The following CNTNAP2 variants were observed in gnomAD, a reference collection of about 807,000 sequenced individuals.
CNTNAP2 encodes contactin-associated protein-like 2.
Under a neutral mutation model 155.2 loss-of-function variants are expected in CNTNAP2, and 98 were observed. The observed-to-expected ratio is 0.63, with a 90% CI of 0.54 to 0.75. The LOEUF is 0.75. Ranked by LOEUF, CNTNAP2 falls within the 30% of genes least tolerant of loss-of-function variation. CNTNAP2 has a pLI of 0.00. For missense variants in CNTNAP2, 1,727 were observed against 1,688.1 expected (o/e 1.02, Z -0.40); for synonymous variants, 651 against 631.2 (o/e 1.03, Z -0.47).
chr7:146,530,051 A>C (rs1016677127), intron 1 of CNTNAP2, among the ~76,000 whole-genome samples: 2 of 152,174 alleles, frequency 1.3e-5, no homozygotes. Flanking sequence ...TGTAAAACAA[A>C]AGGAAACTTT....
intron 1 of CNTNAP2, among the ~76,000 whole-genome samples, chr7:146,709,980 C>G (rs937081036): frequency 6.6e-6 from 1 of 152,046 alleles, no homozygotes; most frequent in Non-Finnish European, 1.5e-5. Context: ...TTTTCACAAT[C>G]GATTAGGAGC....
intron 1 of CNTNAP2, among the ~76,000 whole-genome samples, chr7:146,735,445 C>T (rs1193070668): frequency 2.6e-5 from 4 of 151,962 alleles, no homozygotes; most frequent in African/African-American, 7.3e-5. Context: ...GTCCCAGCTA[C>T]TTGGGAGGCT....
chr7:148,147,521 T>C lies in CNTNAP2; in HGVS notation c.2585T>C (p.Val862Ala). ...SATEVSFSFD[V>A]GNGPVEIVVR... ...ACAGAAGTGTCCTTTTCATTTGATG[T>C]GGGAAATGGGCCAGTAGAGATTGTA... The change falls in exon 17 of 24, where the codon GTG becomes GCG. Residue 862 changes from valine (V) to alanine (A), a missense_variant. Val to Ala is a moderately conservative substitution (Grantham distance 64). Coordinates refer to ENST00000361727, the MANE Select transcript of CNTNAP2 (RefSeq NM_014141.6). 1 of 1,614,080 alleles carries C rather than the reference T, an allele frequency of 6.2e-7. No individual in the cohort carries two copies. Among genetic ancestry groups the C allele is most frequent in the Non-Finnish European group, 8.5e-7 (1 of 1,180,016 alleles).
At chr7:148,307,480 G>A (rs1027791520) in intron 21 of CNTNAP2, among the ~76,000 whole-genome samples, 2 of 152,108 alleles carry the variant, frequency 1.3e-5, no homozygotes, top group African/African-American at 4.8e-5. Flanking sequence ...ACTTAAGATG[G>A]TTCTGCTGTT....
At chr7:148,190,636 T>G (rs2116716654) in intron 18 of CNTNAP2, 1 of 152,454 alleles carries the variant, frequency 6.6e-6, no homozygotes, top group Admixed American at 6.5e-5. Context: ...AGTCCCACAA[T>G]CGGCCGTCTG....
intron 10 of CNTNAP2, among the ~76,000 whole-genome samples, chr7:147,472,941 A>T (rs1055649261): frequency 6.6e-6 from 1 of 152,330 alleles, no homozygotes. Context: ...TCAAAGTCTC[A>T]ACTAGAGATA....
At chr7:148,233,231 C>A (rs1795992596) in intron 20 of CNTNAP2, among the ~76,000 whole-genome samples, 1 of 152,250 alleles carries the variant, frequency 6.6e-6, no homozygotes, top group Non-Finnish European at 1.5e-5. Context: ...CTAACCCTTT[C>A]TTCTTCCTTT....
intron 11 of CNTNAP2, among the ~76,000 whole-genome samples, chr7:147,535,576 T>C (rs1014335455): frequency 3.3e-5 from 5 of 152,162 alleles, no homozygotes; most frequent in African/African-American, 1.2e-4. Flanking sequence ...GGGTTCTTGC[T>C]TTTGGATGAA....
chr7:148,016,741 G>A (rs553227518), intron 15 of CNTNAP2, among the ~76,000 whole-genome samples: 1 of 152,204 alleles, frequency 6.6e-6, no homozygotes, highest in Non-Finnish European at 1.5e-5. Context: ...ATTTCTGGTT[G>A]TCAAGGAGGA....
At chr7:148,030,669 C>CT (rs34338936) in intron 15 of CNTNAP2, among the ~76,000 whole-genome samples, 9,477 of 129,394 alleles carry the variant, frequency 0.073, 396 homozygotes, top group Non-Finnish European at 0.098. Context: ...TTATCCAGCT[C>CT]TTTTTTTTTT....
intron 1 of CNTNAP2, among the ~76,000 whole-genome samples, chr7:146,495,414 T>TATCAG (rs1306588324): frequency 6.6e-6 from 1 of 152,196 alleles, no homozygotes; most frequent in African/African-American, 2.4e-5. Flanking sequence ...TGTTTGTGTC[T>TATCAG]AGCCCTTGCC....
chr7:147,489,468 G>T (rs1424964832), intron 11 of CNTNAP2, among the ~76,000 whole-genome samples: 1 of 152,122 alleles, frequency 6.6e-6, no homozygotes, highest in Non-Finnish European at 1.5e-5. Context: ...TCTCATACAG[G>T]CATTCCACTC....
intron 1 of CNTNAP2, among the ~76,000 whole-genome samples, chr7:146,167,011 C>A (rs1290604603): frequency 6.6e-6 from 1 of 152,162 alleles, no homozygotes; most frequent in African/African-American, 2.4e-5. Context: ...AGGAATCAGG[C>A]ACTTTGGAGA....
chr7:147,801,327 AT>A lies in CNTNAP2; in HGVS notation c.2099-102223del, dbSNP rs1313563381. Among the ~76,000 whole-genome samples the A allele has an allele frequency of 3.1e-3, 389 of 123,640 alleles. 3 individuals are homozygous for A. The highest frequency in any genetic ancestry group is 0.014 in the African/African-American group (369 of 27,270). The allele number at this position is 123,640 out of a possible 152,430, so 81.1% of individuals were successfully genotyped here. Reference sequence around the variant, plus strand: ...CTATGAAGTTTTTTTTTTTTTTTTAATTTTTTTTTTTTTTTATTGATCATTC... The same window carrying A: ...CTATGAAGTTTTTTTTTTTTTTTTAATTTTTTTTTTTTTTATTGATCATTC... On this transcript the variant is annotated intron_variant, in intron 13 of 23. Transcript: ENST00000361727.
At chr7:146,285,498 G>C (rs1016138461) in intron 1 of CNTNAP2, among the ~76,000 whole-genome samples, 1 of 151,802 alleles carries the variant, frequency 6.6e-6, no homozygotes, top group Non-Finnish European at 1.5e-5. Flanking sequence ...TTATTAAGAA[G>C]GTTTTATTAA....
Position 146,856,261 on chromosome 7 carries a change from T to TATAGATAGATAGATAG in CNTNAP2, c.402+16381_402+16396dup, listed in dbSNP as rs72247117. The stretch of plus-strand genomic sequence containing the variant: ...GACAGACAGATAGATAGATGATAGA[T>TATAGATAGATAGATAG]ATAGATAGATAGATAGATAGATAGA... On this transcript the variant is annotated intron_variant, in intron 3 of 23. Transcript: ENST00000361727. 1.4e-3 allele frequency among the ~76,000 whole-genome samples: 196 copies of TATAGATAGATAGATAG among 135,268 alleles called. 1 individual carries two copies. The highest frequency in any genetic ancestry group is 3.9e-3 in the Middle Eastern group (1 of 254). The allele number at this position is 135,268 out of a possible 152,430, so 88.7% of individuals were successfully genotyped here.
At chr7:148,251,468 G>A (rs1796361693) in intron 20 of CNTNAP2, among the ~76,000 whole-genome samples, 1 of 151,574 alleles carries the variant, frequency 6.6e-6, no homozygotes, top group Non-Finnish European at 1.5e-5. Context: ...GGTGTCCAAA[G>A]TTTTTTTTAG....
chr7:147,594,887 A>G (rs1190484321), intron 12 of CNTNAP2, among the ~76,000 whole-genome samples: 1 of 152,172 alleles, frequency 6.6e-6, no homozygotes, highest in Non-Finnish European at 1.5e-5. Context: ...CCTTTCTATT[A>G]ATGGTATACA....
intron 1 of CNTNAP2, among the ~76,000 whole-genome samples, chr7:146,514,268 A>G (rs1300005718): frequency 6.6e-6 from 1 of 151,662 alleles, no homozygotes; most frequent in African/African-American, 2.4e-5. Flanking sequence ...GGATATATCT[A>G]TTTTTCTCTG....
Sources: allele counts gnomAD v4.1 joint callset (sites outside exome capture counted in the v4.1 genomes callset), GRCh38; gene constraint gnomAD v4.1.1; transcripts MANE v1.5; gene names NCBI Gene and HGNC (gene_info 2026-07-23, HGNC 2026-07-21).